The following TEAD1 variants were observed in gnomAD, a reference collection of about 807,000 sequenced individuals.
TEAD1 encodes the protein TEA domain transcription factor 1, also known as transcriptional enhancer factor TEF-1.
Under a neutral mutation model 54.9 loss-of-function variants are expected in TEAD1, and 9 were observed. The observed-to-expected ratio is 0.16, with a 90% CI of 0.10 to 0.29. TEAD1 has a LOEUF of 0.29. Among genes scored for constraint, TEAD1 ranks in the 10% least tolerant of loss-of-function variants. The probability of loss-of-function intolerance (pLI) is 1.00; values close to 1 mark genes in which losing one functional copy is unlikely to be tolerated. For missense variants in TEAD1, 387 were observed against 535.9 expected (o/e 0.72, Z 2.74); for synonymous variants, 200 against 187.8 (o/e 1.07, Z -0.53).
intron 3 of TEAD1, among the ~76,000 whole-genome samples, chr11:12,796,815 A>G (rs1945937592): frequency 6.6e-6 from 1 of 151,000 alleles, no homozygotes; most frequent in South Asian, 2.1e-4. Flanking sequence ...AGCACCCCTT[A>G]ATATCTACAG....
At chr11:12,680,939 A>G (rs1943208395) in intron 2 of TEAD1, among the ~76,000 whole-genome samples, 1 of 152,162 alleles carries the variant, frequency 6.6e-6, no homozygotes, top group East Asian at 1.9e-4. Context: ...GCATTTTGAT[A>G]TGCTTCATTT....
chr11:12,779,829 A>G (rs1443799497), intron 3 of TEAD1, among the ~76,000 whole-genome samples: 10 of 152,196 alleles, frequency 6.6e-5, no homozygotes, highest in Admixed American at 1.3e-4. Flanking sequence ...AAAAAACCAC[A>G]TTTTTATCTC....
intron 9 of TEAD1, among the ~76,000 whole-genome samples, chr11:12,891,977 G>A (rs1342027794): frequency 6.6e-6 from 1 of 152,308 alleles, no homozygotes; most frequent in East Asian, 1.9e-4. Flanking sequence ...TCCTGGACGT[G>A]GATGTGGGAG....
At chr11:12,697,395 C>T (rs1272840929) in intron 2 of TEAD1, among the ~76,000 whole-genome samples, 1 of 152,084 alleles carries the variant, frequency 6.6e-6, no homozygotes. Context: ...TAAAAGCCTG[C>T]CCAGAAGGGG....
chr11:12,795,550 C>T (rs1409098196), intron 3 of TEAD1, among the ~76,000 whole-genome samples: 2 of 152,182 alleles, frequency 1.3e-5, no homozygotes, highest in East Asian at 1.9e-4. Flanking sequence ...TGTCCAAAGC[C>T]ACTTCTCTTT....
chr11:12,816,415 G>A (rs557733916), intron 3 of TEAD1, among the ~76,000 whole-genome samples: 1 of 152,270 alleles, frequency 6.6e-6, no homozygotes, highest in Non-Finnish European at 1.5e-5. Flanking sequence ...CTTTTCTTCT[G>A]CACGCTCTTT....
intron 3 of TEAD1, among the ~76,000 whole-genome samples, chr11:12,854,266 C>T (rs1947328989): frequency 6.6e-6 from 1 of 152,168 alleles, no homozygotes; most frequent in South Asian, 2.1e-4. Flanking sequence ...CCCTGGCTCT[C>T]CATCCCTCTC....
intron 10 of TEAD1, among the ~76,000 whole-genome samples, chr11:12,914,695 C>T (rs956391866): frequency 1.2e-4 from 17 of 146,876 alleles, no homozygotes; most frequent in African/African-American, 4.2e-4. Context: ...AGACCTCCCC[C>T]TTCTCTCTGC....
At chr11:12,840,458 G>A (rs961119413) in intron 3 of TEAD1, among the ~76,000 whole-genome samples, 3 of 152,052 alleles carry the variant, frequency 2.0e-5, no homozygotes, top group Admixed American at 1.3e-4. Flanking sequence ...TAATTAAATT[G>A]TAAAGAGGTC....
chr11:12,861,623 C>T lies in TEAD1; in HGVS notation c.203-627C>T, dbSNP rs572364686. ...TGTTTAGTCCCAGACTAATCCTTGT[C>T]TGTATTTGTTGCTTATATGAGTGAC... On this transcript the variant is annotated intron_variant, in intron 3 of 12. Transcript: ENST00000527636. Among the ~76,000 whole-genome samples the T allele has an allele frequency of 2.0e-5, 3 of 152,330 alleles. No homozygotes were observed. The East Asian group carries it at 5.8e-4, about 29-fold the overall frequency.
chr11:12,923,024 G>GCAGTC (rs1337290413), intron 10 of TEAD1: 2 of 151,008 alleles, frequency 1.3e-5, no homozygotes, highest in East Asian at 3.9e-4. Flanking sequence ...AACCACCACG[G>GCAGTC]CAGTCCACAT....
At chr11:12,822,634 T>C (rs1946575925) in intron 3 of TEAD1, 1 of 152,376 alleles carries the variant, frequency 6.6e-6, no homozygotes, top group Non-Finnish European at 1.5e-5. Context: ...GGCTGGAGGC[T>C]GGGAGGTGTC....
intron 3 of TEAD1, among the ~76,000 whole-genome samples, chr11:12,849,870 G>T (rs1047975731): frequency 6.6e-6 from 1 of 152,214 alleles, no homozygotes; most frequent in East Asian, 1.9e-4. Context: ...TGTTAAGATA[G>T]TGCCCTCTTA....
chr11:12,675,885 G>A (rs1397315261), intron 2 of TEAD1, among the ~76,000 whole-genome samples: 1 of 152,134 alleles, frequency 6.6e-6, no homozygotes, highest in Non-Finnish European at 1.5e-5. Flanking sequence ...TTTATTTAAA[G>A]TTGGATAGTG....
In TEAD1 at chr11:12,930,317, A is replaced by G; in HGVS notation, c.1158A>G (p.Thr386=). The change falls in exon 12 of 13, where the codon ACA becomes ACG. Residue 386 remains threonine (T), a synonymous_variant. Coordinates refer to ENST00000527636, the MANE Select transcript of TEAD1 (RefSeq NM_021961.6). ...TGAACAGTGTTTTGGAAAACTTCAC[A>G]ATTTTATTGGTAATGGTTTTGTCTC... 1 of 1,614,192 alleles carries G rather than the reference A, an allele frequency of 6.2e-7. No homozygotes were observed. Among genetic ancestry groups the G allele is most frequent in the Non-Finnish European group, 8.5e-7 (1 of 1,180,028 alleles).
chr11:12,914,061 T>C (rs1948665822), intron 10 of TEAD1, among the ~76,000 whole-genome samples: 2 of 152,210 alleles, frequency 1.3e-5, no homozygotes. Flanking sequence ...ACCTGACTCT[T>C]TCATCCTAGC....
chr11:12,716,691 G>A (rs1944069880), intron 2 of TEAD1, among the ~76,000 whole-genome samples: 1 of 152,210 alleles, frequency 6.6e-6, no homozygotes. Context: ...CTATGTTCCA[G>A]TAAAATCTTA....
In TEAD1 at chr11:12,674,485, T is replaced by TGCC. The variant is rs1452084873; in HGVS notation, c.-548_-546dup. 4 of 151,296 alleles carry TGCC rather than the reference T, an allele frequency of 2.6e-5. No homozygotes were observed. Among genetic ancestry groups the TGCC allele is most frequent in the Non-Finnish European group, 5.9e-5 (4 of 68,126 alleles). 9.4% of individuals were successfully genotyped at this position (151,296 alleles called of 1,614,324 possible). A position where few individuals can be genotyped will look rare whatever the true frequency, so the allele number is the denominator to read the frequency against. On this transcript the variant is annotated 5_prime_UTR_variant, in exon 1 of 13. Transcript: ENST00000527636. ...CGCCTGAGCCGAGCCGAGCCTCTGC[T>TGCC]GCCGCCGCCGCGGCCCCGCCGCCCG...
At chr11:12,827,984 C>T (rs912804741) in intron 3 of TEAD1, 2 of 152,186 alleles carry the variant, frequency 1.3e-5, no homozygotes, top group Non-Finnish European at 2.9e-5. Flanking sequence ...AATGACATTT[C>T]CTGGTAATGG....
Sources: gnomAD v4.1 joint callset for allele counts (sites outside exome capture counted in the v4.1 genomes callset) on GRCh38, gnomAD v4.1.1 for gene constraint, MANE v1.5 for transcripts, NCBI Gene and HGNC (gene_info 2026-07-23, HGNC 2026-07-21) for gene names.